Variants in TAS1R2 observed in about 807,000 individuals in gnomAD.
TAS1R2 encodes the protein taste 1 receptor member 2, also known as taste receptor type 1 member 2.
In TAS1R2, 47 loss-of-function variants were observed where a neutral mutation model predicts 49.3. The observed-to-expected ratio is 0.95, with a 90% CI of 0.75 to 1.22. TAS1R2 has a LOEUF of 1.22. Among genes scored for constraint, TAS1R2 ranks in the 50% most tolerant of loss-of-function variants. The pLI is 0.00. For missense variants in TAS1R2, 1,155 were observed against 1,122.1 expected (o/e 1.03, Z -0.42); for synonymous variants, 479 against 467.9 (o/e 1.02, Z -0.31).
Position 18,854,174 on chromosome 1 carries a change from G to A in TAS1R2, c.1257+39C>T. ...GCCCAGAACCCCAGGGGAGGAGGAT[G>A]GAGGTGCCCTGCAGACTCTATGGCA... On this transcript the variant is annotated intron_variant, in intron 3 of 5. Coordinates refer to ENST00000375371, the Ensembl canonical transcript of TAS1R2. The surrounding 1 kb of genome is among the most constrained non-coding windows in gnomAD (Gnocchi z 4.9). 1 of 1,587,380 alleles carries A rather than the reference G, an allele frequency of 6.3e-7. No homozygotes were observed. Among genetic ancestry groups the A allele is most frequent in the Non-Finnish European group, 8.6e-7 (1 of 1,162,896 alleles).
chr1:18,842,085 C>G (rs1933841487), intron 4 of TAS1R2, among the ~76,000 whole-genome samples: 1 of 152,188 alleles, frequency 6.6e-6, no homozygotes, highest in East Asian at 1.9e-4. Context: ...AATGCCTTTC[C>G]TCAAGGGAAA....
intron 1 of TAS1R2, 59 bp from the exon 2 acceptor site, chr1:18,857,690 A>G: frequency 1.3e-6 from 2 of 1,552,522 alleles, no homozygotes; most frequent in Non-Finnish European, 1.7e-6. Context: ...AGGAAGAGAT[A>G]AGAGAACCAG....
chr1:18,854,642 C>G lies in TAS1R2; in HGVS notation c.828G>C (p.Ser276=). The change falls in exon 3 of 6, where the codon TCG becomes TCC. Residue 276 remains serine, a synonymous_variant. Transcript: ENST00000375371. This position sits in a 1 kb window ranked among gnomAD's most constrained non-coding sequence, Gnocchi z 4.9. ...AGAAGTGGTACAGGGTCAGGTCGGGCGAGAACACGACCACGACGCGCGCTG... is the reference window on the plus strand; with the variant it reads ...AGAAGTGGTACAGGGTCAGGTCGGGGGAGAACACGACCACGACGCGCGCTG... 5.0e-6 allele frequency: 8 copies of G among 1,614,016 alleles called. No individual in the cohort carries two copies. The highest frequency in any genetic ancestry group is 5.9e-6 in the Non-Finnish European group (7 of 1,179,980).
chr1:18,855,155 A>G (rs1255301170), intron 2 of TAS1R2, among the ~76,000 whole-genome samples, 169 bp from the exon 3 acceptor site: 1 of 152,136 alleles, frequency 6.6e-6, no homozygotes, highest in East Asian at 1.9e-4. Flanking sequence ...GCCCCATGCA[A>G]TAAGAACCTA....
At chr1:18,849,208 A>G in intron 4 of TAS1R2, 133 bp downstream of exon 4, 5 of 970,620 alleles carry the variant, frequency 5.2e-6, no homozygotes, top group South Asian at 5.0e-5. Context: ...CGATACACCC[A>G]CAAATAGACA....
At chr1:18,839,837 A>G in exon 6 of TAS1R2, 1 of 1,614,212 alleles carries the variant, frequency 6.2e-7, no homozygotes, top group Non-Finnish European at 8.5e-7. Context: ...GAGGGTGATG[A>G]ACTTGGCCTC....
intron 3 of TAS1R2, 84 bp from the exon 4 acceptor site, chr1:18,849,634 A>G: frequency 1.4e-6 from 2 of 1,459,700 alleles, no homozygotes; most frequent in Non-Finnish European, 9.5e-7. Context: ...AGATTCTACC[A>G]TTCCATTAGC....
exon 6 of TAS1R2, chr1:18,839,738 A>G (rs1326200825): frequency 1.2e-6 from 2 of 1,614,222 alleles, no homozygotes; most frequent in African/African-American, 1.3e-5. Context: ...CACAGTGACC[A>G]AGAGGTCCAC....
At chr1:18,852,259 A>G (rs1934043058) in intron 3 of TAS1R2, among the ~76,000 whole-genome samples, 1 of 152,212 alleles carries the variant, frequency 6.6e-6, no homozygotes, top group Admixed American at 6.5e-5. Flanking sequence ...GGTGGGAGGT[A>G]GTAAGGACAC....
chr1:18,852,056 G>A (rs749767939), intron 3 of TAS1R2, among the ~76,000 whole-genome samples: 8 of 152,172 alleles, frequency 5.3e-5, no homozygotes, highest in Non-Finnish European at 7.4e-5. Context: ...GAATCAACGC[G>A]AAGCCAGACC....
At chr1:18,852,344 A>AGCCC (rs2100518545) in intron 3 of TAS1R2, among the ~76,000 whole-genome samples, 1 of 152,360 alleles carries the variant, frequency 6.6e-6, no homozygotes, top group South Asian at 2.1e-4. Flanking sequence ...GCTGGAGTCC[A>AGCCC]GCCCATTCAG....
At chr1:18,847,869 C>T (rs1315643282) in intron 4 of TAS1R2, among the ~76,000 whole-genome samples, 3 of 152,180 alleles carry the variant, frequency 2.0e-5, no homozygotes, top group Non-Finnish European at 4.4e-5. Flanking sequence ...CTGGGGAGGC[C>T]TCACAATCAT....
intron 4 of TAS1R2, among the ~76,000 whole-genome samples, chr1:18,844,732 C>A (rs189879562): frequency 6.7e-6 from 1 of 150,192 alleles, no homozygotes; most frequent in Non-Finnish European, 1.5e-5. Flanking sequence ...CCAGCCTGGG[C>A]GACAGAGCGA....
At chr1:18,847,644 G>C (rs1451913763) in intron 4 of TAS1R2, among the ~76,000 whole-genome samples, 8 of 152,130 alleles carry the variant, frequency 5.3e-5, no homozygotes, top group Non-Finnish European at 1.2e-4. Context: ...TCCTACTCCA[G>C]CAGAATTCTG....
chr1:18,848,528 A>G (rs1055243944), intron 4 of TAS1R2, among the ~76,000 whole-genome samples: 2 of 149,680 alleles, frequency 1.3e-5, no homozygotes, highest in Admixed American at 6.6e-5. Flanking sequence ...TCCCCGGGAC[A>G]CAGACCAGTA....
Position 18,854,942 on chromosome 1 carries a change from G to A in TAS1R2, c.528C>T (p.Arg176=). ...GTGTGGTACGCAGCAAAGCCGGGAA[G>A]CGCACCTTGTCTCGCAGCTCATCGC... The change falls in exon 3 of 6, where the codon CGC becomes CGT. Residue 176 remains arginine (R), a synonymous_variant. Coordinates refer to ENST00000375371, the Ensembl canonical transcript of TAS1R2. This position sits in a 1 kb window ranked among gnomAD's most constrained non-coding sequence, Gnocchi z 4.9. 2 of 1,608,178 alleles carry A rather than the reference G, an allele frequency of 1.2e-6. No individual in the cohort carries two copies. The highest frequency in any genetic ancestry group is 2.2e-5 in the East Asian group (1 of 44,654).
intron 2 of TAS1R2, among the ~76,000 whole-genome samples, 189 bp downstream of exon 2, chr1:18,857,142 G>A (rs987156467): frequency 6.6e-5 from 10 of 152,182 alleles, no homozygotes; most frequent in African/African-American, 1.2e-4. Flanking sequence ...AGATCTGCCC[G>A]CTTCCAAAGC....
At chr1:18,853,451 T>C (rs966063610) in intron 3 of TAS1R2, among the ~76,000 whole-genome samples, 2 of 152,206 alleles carry the variant, frequency 1.3e-5, no homozygotes, top group African/African-American at 4.8e-5. Context: ...GGTACAATTA[T>C]ATAGAATGAG....
chr1:18,848,598 G>A (rs572302010), intron 4 of TAS1R2, among the ~76,000 whole-genome samples: 9 of 152,246 alleles, frequency 5.9e-5, no homozygotes, highest in South Asian at 2.1e-4. Context: ...GCAGGTGAGC[G>A]AGAGCAGAGC....
Sources: allele counts gnomAD v4.1 joint callset (sites outside exome capture counted in the v4.1 genomes callset), GRCh38; gene constraint gnomAD v4.1.1; non-coding constraint Gnocchi (gnomAD v3.1); transcripts MANE v1.5; gene names NCBI Gene and HGNC (gene_info 2026-07-23, HGNC 2026-07-21).